The following CACNA1E variants were observed in gnomAD, a reference collection of about 807,000 sequenced individuals.
CACNA1E encodes the protein calcium voltage-gated channel subunit alpha1 E, also known as voltage-dependent R-type calcium channel subunit alpha-1E.
CACNA1E carries 40 observed loss-of-function variants against 259.2 expected under a neutral mutation model. The observed-to-expected ratio is 0.15, with a 90% CI of 0.12 to 0.20. CACNA1E has a LOEUF of 0.20. CACNA1E is among the 10% of genes least tolerant of loss of function. The pLI is 1.00. For synonymous variants in CACNA1E, 1,104 were observed against 1,138.5 expected, an observed-to-expected ratio of 0.97 and a Z score of 0.61; for missense variants, 1,874 against 3,040.1, an observed-to-expected ratio of 0.62 and a Z score of 9.02.
chr1:181,703,025 T>C (rs1324811020), intron 7 of CACNA1E, among the ~76,000 whole-genome samples: 1 of 152,192 alleles, frequency 6.6e-6, no homozygotes, highest in Admixed American at 6.5e-5. Context: ...CTTGAACTCT[T>C]GACCTCAAGC....
At chr1:181,422,354 A>C (rs1658811865) in intron 2 of CACNA1E, among the ~76,000 whole-genome samples, 1 of 152,192 alleles carries the variant, frequency 6.6e-6, no homozygotes, top group Non-Finnish European at 1.5e-5. Flanking sequence ...AATGTTCCGT[A>C]ACAGTGGCTA....
At chr1:181,426,509 C>G (rs1659220501) in intron 2 of CACNA1E, among the ~76,000 whole-genome samples, 1 of 149,948 alleles carries the variant, frequency 6.7e-6, no homozygotes. Context: ...CAACCCCTTC[C>G]TGTCTCAACC....
chr1:181,707,521 G>A (rs927948565), intron 7 of CACNA1E, among the ~76,000 whole-genome samples: 1 of 152,146 alleles, frequency 6.6e-6, no homozygotes, highest in Non-Finnish European at 1.5e-5. Context: ...GGTTAGACGG[G>A]GGTTTGTTGG....
At chr1:181,362,190 G>T (rs1203148392) in intron 1 of CACNA1E, among the ~76,000 whole-genome samples, 1 of 152,190 alleles carries the variant, frequency 6.6e-6, no homozygotes, top group Non-Finnish European at 1.5e-5. Flanking sequence ...TTCCTCATCA[G>T]AGCCCAAAAG....
intron 1 of CACNA1E, among the ~76,000 whole-genome samples, chr1:181,330,115 C>T (rs993836977): frequency 3.3e-5 from 5 of 152,134 alleles, no homozygotes; most frequent in Admixed American, 6.5e-5. Context: ...GCTCTCTGTG[C>T]CCTCATTTTG....
At chr1:181,740,230 G>T (rs1656435284) in intron 25 of CACNA1E, among the ~76,000 whole-genome samples, 1 of 152,182 alleles carries the variant, frequency 6.6e-6, no homozygotes, top group Admixed American at 6.5e-5. Flanking sequence ...TGAGGCAGGA[G>T]AGCTTTCAGG....
intron 2 of CACNA1E, among the ~76,000 whole-genome samples, chr1:181,454,843 C>G (rs1661363402): frequency 6.6e-6 from 1 of 151,752 alleles, no homozygotes; most frequent in Non-Finnish European, 1.5e-5. Flanking sequence ...ACTTCATAGC[C>G]AAGACATGCA....
chr1:181,429,097 G>A lies in CACNA1E; in HGVS notation c.434+15517G>A, dbSNP rs113414162. On this transcript the variant is annotated intron_variant, in intron 2 of 11. Transcript: ENST00000524607. ...TTTGGGAGGCTGAGGCAAGAGAATC[G>A]CTTGAACCTGGGAAGCAGAGGTTAC... Among the ~76,000 whole-genome samples the A allele has an allele frequency of 2.2e-3, 332 of 152,204 alleles. 2 individuals are homozygous for A. The highest frequency in any genetic ancestry group is 7.8e-3 in the African/African-American group (322 of 41,510).
At chr1:181,374,605 G>GGT (rs61059565) in intron 1 of CACNA1E, among the ~76,000 whole-genome samples, 58,652 of 147,556 alleles carry the variant, frequency 0.4, 11,505 homozygotes, top group Admixed American at 0.46. Flanking sequence ...TGGGACTGTA[G>GGT]GTATGTACCA....
At chr1:181,323,557 T>C (rs1650536809) in intron 1 of CACNA1E, among the ~76,000 whole-genome samples, 1 of 152,226 alleles carries the variant, frequency 6.6e-6, no homozygotes, top group African/African-American at 2.4e-5. Flanking sequence ...TCTTTCTCCC[T>C]CTCTTACCCT....
chr1:181,574,098 G>C (rs1238964548), intron 3 of CACNA1E, among the ~76,000 whole-genome samples: 1 of 152,178 alleles, frequency 6.6e-6, no homozygotes, highest in African/African-American at 2.4e-5. Flanking sequence ...GACACAGGGA[G>C]GGGAACAACA....
intron 1 of CACNA1E, among the ~76,000 whole-genome samples, chr1:181,498,047 T>C (rs973055876): frequency 2.0e-5 from 3 of 152,226 alleles, no homozygotes; most frequent in Non-Finnish European, 4.4e-5. Context: ...CCAGTTCCCC[T>C]TTCAATATTA....
At chr1:181,702,355 C>T (rs555560238) in intron 7 of CACNA1E, among the ~76,000 whole-genome samples, 85 of 152,264 alleles carry the variant, frequency 5.6e-4, no homozygotes, top group Non-Finnish European at 1.0e-3. Context: ...TTACCACTCT[C>T]GCCAAGGCCA....
chr1:181,687,876 G>T (rs1388820233), intron 7 of CACNA1E, among the ~76,000 whole-genome samples: 1 of 152,112 alleles, frequency 6.6e-6, no homozygotes, highest in African/African-American at 2.4e-5. Context: ...ATATGCCAGA[G>T]TCAGAACTTG....
chr1:181,678,751 A>G (rs1649630744), intron 7 of CACNA1E, among the ~76,000 whole-genome samples: 1 of 152,204 alleles, frequency 6.6e-6, no homozygotes, highest in Non-Finnish European at 1.5e-5. Flanking sequence ...CACATTTTCT[A>G]ACCTTTCTCA....
chr1:181,682,122 G>A (rs149631047), intron 7 of CACNA1E, among the ~76,000 whole-genome samples: 5 of 152,286 alleles, frequency 3.3e-5, no homozygotes, highest in South Asian at 4.1e-4. Flanking sequence ...TGTGAGCAGC[G>A]TTAATGACTA....
chr1:181,630,082 C>T (rs1039284081), intron 6 of CACNA1E, among the ~76,000 whole-genome samples: 1 of 151,190 alleles, frequency 6.6e-6, no homozygotes, highest in African/African-American at 2.4e-5. Context: ...GAAGAAAACA[C>T]ATCGGGCCAT....
intron 7 of CACNA1E, 115 bp from the exon 8 acceptor site, chr1:181,710,839 A>C: frequency 1.4e-6 from 1 of 723,054 alleles, no homozygotes; most frequent in Non-Finnish European, 2.5e-6. Context: ...GGGAAAGGGT[A>C]CATGGGCTTA....
intron 3 of CACNA1E, among the ~76,000 whole-genome samples, chr1:181,553,492 A>C (rs1196747519): frequency 2.6e-5 from 4 of 152,072 alleles, no homozygotes; most frequent in Non-Finnish European, 4.4e-5. Flanking sequence ...AATACCCTTT[A>C]TTTCTTTCTC....
Sources: allele counts gnomAD v4.1 joint callset (sites outside exome capture counted in the v4.1 genomes callset), GRCh38; gene constraint gnomAD v4.1.1; transcripts MANE v1.5; gene names NCBI Gene and HGNC (gene_info 2026-07-23, HGNC 2026-07-21).